Variants in BRINP2 observed in about 807,000 individuals in gnomAD.
BRINP2 encodes the protein BMP/retinoic acid-inducible neural-specific protein 2.
A neutral mutation model predicts 69.2 loss-of-function variants in BRINP2; 21 were observed. The observed-to-expected ratio is 0.30, with a 90% CI of 0.22 to 0.44. The LOEUF (loss-of-function observed/expected upper bound fraction) is 0.44, where lower values mean the gene tolerates loss of function less well. BRINP2 is among the 20% of genes least tolerant of loss of function. The probability of loss-of-function intolerance (pLI) is 1.00; values close to 1 mark genes in which losing one functional copy is unlikely to be tolerated. For synonymous variants in BRINP2, 380 were observed against 394.1 expected (o/e 0.96, Z 0.42); for missense variants, 877 against 986.0 (o/e 0.89, Z 1.48).
chr1:177,186,781 G>A (rs542086530), intron 1 of BRINP2, among the ~76,000 whole-genome samples: 3 of 152,214 alleles, frequency 2.0e-5, no homozygotes, highest in African/African-American at 7.2e-5. Context: ...TATCCCACTG[G>A]GAACTTTGCA....
chr1:177,281,485 T>G lies in BRINP2; in HGVS notation c.2309T>G (p.Leu770Arg). The stretch of plus-strand genomic sequence containing the variant: ...TCCCTGAGGGCTTTCAATTCTAAGC[T>G]GCCAAACCCTGTGGAATATGAGACC... ...QSSLRAFNSK[L>R]PNPVEYETGK... is the part of the protein sequence containing the mutation. Residue 770 changes from leucine (L) to arginine (R), a missense_variant, in exon 8 of 8, where the codon CTG becomes CGG. Transcript: ENST00000361539. The G allele has an allele frequency of 6.2e-7, 1 of 1,612,042 alleles. No homozygotes were observed. The highest frequency in any genetic ancestry group is 8.5e-7 in the Non-Finnish European group (1 of 1,179,866).
At chr1:177,249,546 G>A (rs1028776310) in intron 2 of BRINP2, among the ~76,000 whole-genome samples, 1 of 152,216 alleles carries the variant, frequency 6.6e-6, no homozygotes, top group Admixed American at 6.5e-5. Flanking sequence ...AACACAGTGG[G>A]AGAAGATTTT....
At chr1:177,210,810 T>C (rs1452749681) in intron 1 of BRINP2, among the ~76,000 whole-genome samples, 2 of 151,592 alleles carry the variant, frequency 1.3e-5, no homozygotes, top group Non-Finnish European at 2.9e-5. Context: ...GTGCAGTAAA[T>C]GTGAAATACA....
Position 177,229,748 on chromosome 1 carries a change from G to C in BRINP2, c.-76-53G>C. The C allele has an allele frequency of 2.3e-6, 3 of 1,297,120 alleles. 1 individual carries two copies. In the South Asian group the frequency reaches 4.8e-5, roughly 21 times the overall value. 80.4% of individuals were successfully genotyped at this position (1,297,120 alleles called of 1,614,324 possible). ...AACCCAATTATGTGTGATGCTCACA[G>C]GCCCATGGGGTAACAGGGTGCTCAA... On this transcript the variant is annotated intron_variant, in intron 1 of 7. Coordinates refer to ENST00000361539, the MANE Select transcript of BRINP2 (RefSeq NM_021165.4).
Position 177,180,269 on chromosome 1 carries a change from C to T in BRINP2, c.-77+8537C>T, listed in dbSNP as rs143439459. 3.1e-4 allele frequency among the ~76,000 whole-genome samples: 47 copies of T among 152,260 alleles called. 1 individual carries two copies. Among genetic ancestry groups the T allele is most frequent in the African/African-American group, 9.9e-4 (41 of 41,544 alleles). On this transcript the variant is annotated intron_variant, in intron 1 of 7. Transcript: ENST00000361539. ...CTGGGCTCTTGCCCCTGCACCATGC[C>T]CTCTGCCTTCCACCCTGGGTGGCTC...
chr1:177,195,458 C>G (rs1415351132), intron 1 of BRINP2, among the ~76,000 whole-genome samples: 1 of 150,878 alleles, frequency 6.6e-6, no homozygotes, highest in Non-Finnish European at 1.5e-5. Flanking sequence ...AAGCACGAGT[C>G]CAGCGCCCTG....
chr1:177,278,084 T>G (rs1178744823), intron 6 of BRINP2, among the ~76,000 whole-genome samples: 3 of 152,110 alleles, frequency 2.0e-5, no homozygotes, highest in African/African-American at 7.2e-5. Flanking sequence ...ATAGAAAGAT[T>G]TCTGAGCTGG....
At chr1:177,215,108 A>G (rs1162027426) in intron 1 of BRINP2, among the ~76,000 whole-genome samples, 2 of 152,174 alleles carry the variant, frequency 1.3e-5, no homozygotes, top group Non-Finnish European at 2.9e-5. Flanking sequence ...CTCTGCTTCT[A>G]TGAGTTCAAT....
intron 2 of BRINP2, among the ~76,000 whole-genome samples, chr1:177,244,682 G>A (rs570239774): frequency 4.3e-4 from 66 of 152,088 alleles, no homozygotes; most frequent in African/African-American, 1.5e-3. Flanking sequence ...TTCATGTGCA[G>A]GTTCGCCGGG....
At chr1:177,186,998 G>A (rs1004006814) in intron 1 of BRINP2, among the ~76,000 whole-genome samples, 3 of 152,180 alleles carry the variant, frequency 2.0e-5, no homozygotes, top group African/African-American at 4.8e-5. Context: ...AGTCAGATCT[G>A]TCTGACCCAA....
At chr1:177,265,723 G>T (rs893211171) in intron 4 of BRINP2, among the ~76,000 whole-genome samples, 1 of 152,000 alleles carries the variant, frequency 6.6e-6, no homozygotes, top group Non-Finnish European at 1.5e-5. Context: ...CTCATGGTGG[G>T]GCTTTGAACA....
intron 1 of BRINP2, among the ~76,000 whole-genome samples, chr1:177,223,015 G>T (rs897991519): frequency 3.3e-5 from 5 of 152,194 alleles, no homozygotes; most frequent in Non-Finnish European, 7.3e-5. Context: ...AGTACTATTT[G>T]ATCAGCAGTG....
chr1:177,190,088 A>G (rs547342898), intron 1 of BRINP2, among the ~76,000 whole-genome samples: 1 of 152,246 alleles, frequency 6.6e-6, no homozygotes, highest in South Asian at 2.1e-4. Flanking sequence ...GCTTCCTCAG[A>G]ATACCCTCAT....
intron 2 of BRINP2, among the ~76,000 whole-genome samples, chr1:177,233,613 A>G (rs540763724): frequency 5.3e-5 from 8 of 152,350 alleles, no homozygotes; most frequent in African/African-American, 1.7e-4. Flanking sequence ...TCCTTTTTAA[A>G]GCACGTTAAC....
At chr1:177,190,378 C>A (rs879850633) in intron 1 of BRINP2, among the ~76,000 whole-genome samples, 8 of 152,152 alleles carry the variant, frequency 5.3e-5, no homozygotes, top group Non-Finnish European at 1.2e-4. Flanking sequence ...CAGTCCCTAT[C>A]CCTCAATCTT....
intron 2 of BRINP2, among the ~76,000 whole-genome samples, chr1:177,252,464 C>T (rs942475827): frequency 3.3e-5 from 5 of 151,746 alleles, no homozygotes; most frequent in South Asian, 2.1e-4. Context: ...TTGACATATC[C>T]GGCACAACAG....
chr1:177,280,830 C>G lies in BRINP2; in HGVS notation c.1654C>G (p.Leu552Val). The change falls in exon 8 of 8, where the codon CTC becomes GTC. Residue 552 changes from leucine to valine, a missense_variant. Physicochemically the swap from Leu to Val is conservative, Grantham distance 32 (BLOSUM62 1). Coordinates refer to ENST00000361539, the MANE Select transcript of BRINP2 (RefSeq NM_021165.4). ...CCCTTCCTGGAGGAAGCGCATGCTG[C>G]TCACCCTGAAGAGCAACAAGTACAA... is the stretch of plus-strand genomic sequence containing the variant. ...FDPSWRKRML[L>V]TLKSNKYKPG... 1.9e-6 allele frequency: 3 copies of G among 1,614,036 alleles called. No homozygotes were observed. The highest frequency in any genetic ancestry group is 2.5e-6 in the Non-Finnish European group (3 of 1,179,926).
At chr1:177,176,889 A>T (rs1267944033) in intron 1 of BRINP2, among the ~76,000 whole-genome samples, 1 of 152,090 alleles carries the variant, frequency 6.6e-6, no homozygotes, top group African/African-American at 2.4e-5. Flanking sequence ...AATATTTTCG[A>T]GTTTTTGAAT....
chr1:177,178,541 G>C (rs1159432069), intron 1 of BRINP2, among the ~76,000 whole-genome samples: 1 of 152,094 alleles, frequency 6.6e-6, no homozygotes, highest in Non-Finnish European at 1.5e-5. Context: ...TTAAGACTCT[G>C]TAAATAGTAT....
Sources: allele counts gnomAD v4.1 joint callset (sites outside exome capture counted in the v4.1 genomes callset), GRCh38; gene constraint gnomAD v4.1.1; transcripts MANE v1.5; gene names NCBI Gene and HGNC (gene_info 2026-07-23, HGNC 2026-07-21).